The following RB1 variants were observed in gnomAD, a reference collection of about 807,000 sequenced individuals.
The protein encoded by RB1 is retinoblastoma-associated protein.
Under a neutral mutation model 135.4 loss-of-function variants are expected in RB1, and 18 were observed. The ratio of observed to expected loss-of-function variants is 0.13; its 90% CI spans 0.09 to 0.20. The LOEUF (loss-of-function observed/expected upper bound fraction) is 0.20. Among genes scored for constraint, RB1 ranks in the 10% least tolerant of loss-of-function variants. The probability of loss-of-function intolerance (pLI) is 1.00; values close to 1 mark genes in which losing one functional copy is unlikely to be tolerated. For missense variants in RB1, 868 were observed against 1,110.0 expected (o/e 0.78, Z 3.10); for synonymous variants, 365 against 373.2 (o/e 0.98, Z 0.25).
At chr13:48,370,838 G>A (rs1952750820) in intron 11 of RB1, among the ~76,000 whole-genome samples, 1 of 152,212 alleles carries the variant, frequency 6.6e-6, no homozygotes, top group Non-Finnish European at 1.5e-5. Context: ...GGCTGGGGCT[G>A]AAGGTTCCAA....
chr13:48,465,503 TA>T, intron 23 of RB1, 135 bp downstream of exon 23: 2 of 1,003,982 alleles, frequency 2.0e-6, no homozygotes, highest in Non-Finnish European at 3.0e-6. Flanking sequence ...TTAAGTAACA[TA>T]ATAAGAATAT....
At chr13:48,373,346 T>A (rs912735312) in intron 11 of RB1, 59 bp from the exon 12 acceptor site, 2 of 1,035,008 alleles carry the variant, frequency 1.9e-6, no homozygotes, top group Admixed American at 3.5e-5. Context: ...AAACATTTCA[T>A]TTTTTCTTTT....
chr13:48,371,967 T>C (rs2138128376), intron 11 of RB1, among the ~76,000 whole-genome samples: 1 of 152,280 alleles, frequency 6.6e-6, no homozygotes, highest in Admixed American at 6.5e-5. Flanking sequence ...ACTGCGCATG[T>C]GAGGGATCTA....
At chr13:48,343,870 C>T (rs1952468984) in intron 3 of RB1, among the ~76,000 whole-genome samples, 1 of 152,154 alleles carries the variant, frequency 6.6e-6, no homozygotes, top group South Asian at 2.1e-4. Flanking sequence ...CTTGTCATGG[C>T]TCCCCCATTC....
intron 17 of RB1, among the ~76,000 whole-genome samples, chr13:48,405,777 C>T (rs198606): frequency 0.78 from 119,086 of 152,188 alleles, 52,303 homozygotes; most frequent in Non-Finnish European, 0.97. Flanking sequence ...CCTTCTATCC[C>T]ATTTCCAACC....
chr13:48,412,952 T>G (rs963233261), intron 17 of RB1: 2 of 169,504 alleles, frequency 1.2e-5, no homozygotes, highest in African/African-American at 4.8e-5. Context: ...TTGCTTCTTT[T>G]AAATGAAGTT....
At chr13:48,461,995 G>T (rs1949408683) in intron 20 of RB1, among the ~76,000 whole-genome samples, 1 of 152,048 alleles carries the variant, frequency 6.6e-6, no homozygotes, top group Non-Finnish European at 1.5e-5. Flanking sequence ...ACCACACCTG[G>T]CTAATTTCTG....
At chr13:48,328,893 T>C (rs967267608) in intron 2 of RB1, among the ~76,000 whole-genome samples, 4 of 152,206 alleles carry the variant, frequency 2.6e-5, no homozygotes, top group Admixed American at 2.6e-4. Context: ...CTCCATTCTA[T>C]ATAAATATAA....
At position 48,368,994 on chromosome 13, in the gene RB1, G is replaced by A. The variant is rs191048799; in HGVS notation, c.1127+390G>A. On this transcript the variant is annotated intron_variant, in intron 11 of 26. Transcript: ENST00000267163. ...GCACTTCAGCCTGGGTGACAAGAGC[G>A]AAACTCCGTCTCAAAAAAAAAATGT... Among the ~76,000 whole-genome samples, 685 of 151,790 alleles carry A rather than the reference G, an allele frequency of 4.5e-3. 5 individuals are homozygous for A. Among genetic ancestry groups the A allele is most frequent in the African/African-American group, 0.016 (652 of 41,270 alleles).
chr13:48,305,873 A>T (rs1952076568), intron 1 of RB1, among the ~76,000 whole-genome samples: 1 of 152,222 alleles, frequency 6.6e-6, no homozygotes. Flanking sequence ...GAGAGTTTAG[A>T]TCTTATTTCT....
At chr13:48,390,539 G>A (rs1243176672) in intron 17 of RB1, among the ~76,000 whole-genome samples, 2 of 152,210 alleles carry the variant, frequency 1.3e-5, no homozygotes, top group African/African-American at 4.8e-5. Context: ...GGGACTAAAT[G>A]GGGCAGAGGG....
At chr13:48,473,459 T>C (rs1447435876) in intron 24 of RB1, 69 bp downstream of exon 24, 1 of 1,358,578 alleles carries the variant, frequency 7.4e-7, no homozygotes, top group Admixed American at 1.7e-5. Flanking sequence ...AAGCTTTCTA[T>C]AATTTGAATT....
chr13:48,342,715 G>A lies in RB1; in HGVS notation c.380+1G>A, dbSNP rs1131690902. ...AGCTACAGAAAAACATAGAAATCAG[G>A]TAAAGTTTCTTGTATAAATATAAGC... On this transcript the variant is annotated splice_donor_variant, in intron 3 of 26. Coordinates refer to ENST00000267163, the MANE Select transcript of RB1 (RefSeq NM_000321.3). LOFTEE classifies it high-confidence loss of function. The A allele has an allele frequency of 6.3e-7, 1 of 1,579,406 alleles. No individual in the cohort carries two copies. Among genetic ancestry groups the A allele is most frequent in the Non-Finnish European group, 8.7e-7 (1 of 1,148,874 alleles).
Position 48,342,666 on chromosome 13 carries a change from A to G in RB1, c.332A>G (p.Asp111Gly). The G allele has an allele frequency of 6.2e-7, 1 of 1,612,874 alleles. No homozygotes were observed. Among genetic ancestry groups the G allele is most frequent in the Non-Finnish European group, 8.5e-7 (1 of 1,179,066 alleles). Reference sequence around the variant, plus strand: ...ATCTTTATTGCAGCAGTTGACCTAGATGAGATGTCGTTCACTTTTACTGAG... The same window carrying G: ...ATCTTTATTGCAGCAGTTGACCTAGGTGAGATGTCGTTCACTTTTACTGAG... The part of the protein sequence containing the change: ...ICIFIAAVDL[D>G]EMSFTFTELQ... The change falls in exon 3 of 27, where the codon GAT becomes GGT. Residue 111 changes from aspartate (D) to glycine (G), a missense_variant. This residue lies in a region of RB1 where 641 missense variants were observed against 791.3 expected (regional missense o/e 0.81). Coordinates refer to ENST00000267163, the MANE Select transcript of RB1 (RefSeq NM_000321.3).
chr13:48,393,425 A>G (rs1948625544), intron 17 of RB1, among the ~76,000 whole-genome samples: 1 of 152,190 alleles, frequency 6.6e-6, no homozygotes, highest in African/African-American at 2.4e-5. Context: ...TGTGGCAATA[A>G]TGAGGCTCAC....
chr13:48,435,627 C>A (rs2138290715), intron 17 of RB1, among the ~76,000 whole-genome samples: 1 of 152,182 alleles, frequency 6.6e-6, no homozygotes, highest in South Asian at 2.1e-4. Flanking sequence ...GGTGTCAAAT[C>A]TAAGAACTCC....
intron 17 of RB1, among the ~76,000 whole-genome samples, chr13:48,386,617 G>A (rs980290671): frequency 3.9e-5 from 6 of 152,122 alleles, no homozygotes; most frequent in Non-Finnish European, 8.8e-5. Flanking sequence ...AAGTGAGCCT[G>A]TCATTTCAAA....
Position 48,480,048 on chromosome 13 carries a change from A to G in RB1, c.2764A>G (p.Thr922Ala), listed in dbSNP as rs1949528678. 6 of 1,613,254 alleles carry G rather than the reference A, an allele frequency of 3.7e-6. No homozygotes were observed. Among genetic ancestry groups the G allele is most frequent in the Non-Finnish European group, 5.1e-6 (6 of 1,179,366 alleles). The change falls in exon 27 of 27, where the codon ACC (threonine) becomes GCC (alanine). Residue 922 changes from threonine to alanine, a missense_variant. Thr to Ala is a moderately conservative substitution (Grantham distance 58). Around this residue, in one of 3 missense-constraint regions of RB1, gnomAD observed 196 missense variants for 239.8 expected, o/e 0.82. Coordinates refer to ENST00000267163, the MANE Select transcript of RB1 (RefSeq NM_000321.3). Reference protein sequence around the residue: ...QKQKMNDSMDTSNKEEK With the variant: ...QKQKMNDSMDASNKEEK ...GCAGAAAATGAATGATAGCATGGAT[A>G]CCTCAAACAAGGAAGAGAAATGAGG...
intron 7 of RB1, among the ~76,000 whole-genome samples, chr13:48,361,351 A>G (rs1053649792): frequency 2.6e-5 from 4 of 152,168 alleles, no homozygotes; most frequent in Admixed American, 2.6e-4. Context: ...TTTGTTGTAG[A>G]GAATTTCAAA....
Sources: gnomAD v4.1 joint callset for allele counts (sites outside exome capture counted in the v4.1 genomes callset) on GRCh38, gnomAD v4.1.1 for gene constraint, gnomAD v4.1.1 regional missense constraint, MANE v1.5 for transcripts, NCBI Gene and HGNC (gene_info 2026-07-23, HGNC 2026-07-21) for gene names.